The following LAMP1 variants were observed in gnomAD, a reference collection of about 807,000 sequenced individuals.
LAMP1 encodes lysosome-associated membrane glycoprotein 1.
LAMP1 carries 7 observed loss-of-function variants against 37.5 expected under a neutral mutation model. The ratio of observed to expected loss-of-function variants is 0.19; its 90% CI spans 0.11 to 0.35. The LOEUF is 0.35. LAMP1 is among the 10% of genes least tolerant of loss of function. The pLI is 1.00. For missense variants in LAMP1, 537 were observed against 552.8 expected, an observed-to-expected ratio of 0.97 and a Z score of 0.29; for synonymous variants, 236 against 229.1, an observed-to-expected ratio of 1.03 and a Z score of -0.27.
Position 113,317,183 on chromosome 13 carries a change from G to A in LAMP1, c.563-2286G>A, listed in dbSNP as rs76798916. Among the ~76,000 whole-genome samples the A allele has an allele frequency of 8.6e-3, 1,308 of 152,280 alleles. 10 individuals are homozygous for A. Among genetic ancestry groups the A allele is most frequent in the Non-Finnish European group, 0.014 (978 of 68,030 alleles). On this transcript the variant is annotated intron_variant, in intron 4 of 8. Coordinates refer to ENST00000332556, the MANE Select transcript of LAMP1 (RefSeq NM_005561.4). The stretch of plus-strand genomic sequence containing the variant: ...CCGGCTGTGTGCTGCTCTCCGGAGG[G>A]TGCTGGAGGAGGTGTGACAGTGGAC...
intron 2 of LAMP1, 40 bp from the exon 3 acceptor site, chr13:113,309,603 T>C (rs2042618166): frequency 6.8e-7 from 1 of 1,468,664 alleles, no homozygotes; most frequent in South Asian, 1.2e-5. Flanking sequence ...TTTAATAACC[T>C]GCATCCCAAT....
chr13:113,306,740 T>G, intron 2 of LAMP1, 134 bp downstream of exon 2: 1 of 989,934 alleles, frequency 1.0e-6, no homozygotes, highest in Non-Finnish European at 1.5e-6. Context: ...CCTTCTGGTG[T>G]TGTCAGTAAC....
chr13:113,300,656 T>C (rs2042566303), intron 1 of LAMP1, among the ~76,000 whole-genome samples: 2 of 151,362 alleles, frequency 1.3e-5, no homozygotes, highest in South Asian at 4.2e-4. Flanking sequence ...TTTTTAAAAA[T>C]ATTTTTAAAA....
At chr13:113,308,449 C>G (rs933341445) in intron 2 of LAMP1, among the ~76,000 whole-genome samples, 2 of 146,848 alleles carry the variant, frequency 1.4e-5, no homozygotes, top group Admixed American at 1.4e-4. Context: ...TCTTCTGCCT[C>G]AGCCTCCCAA....
At chr13:113,315,099 G>A (rs1033622857) in intron 4 of LAMP1, among the ~76,000 whole-genome samples, 10 of 145,496 alleles carry the variant, frequency 6.9e-5, no homozygotes, top group African/African-American at 2.3e-4. Flanking sequence ...GGGAACCAGT[G>A]TGGAGATGTC....
chr13:113,308,904 G>A (rs1325615992), intron 2 of LAMP1, among the ~76,000 whole-genome samples: 1 of 152,058 alleles, frequency 6.6e-6, no homozygotes, highest in Non-Finnish European at 1.5e-5. Context: ...TTTGCTTATA[G>A]TAGTAAATTT....
chr13:113,308,478 A>G (rs1182866321), intron 2 of LAMP1, among the ~76,000 whole-genome samples: 2 of 151,198 alleles, frequency 1.3e-5, no homozygotes, highest in African/African-American at 2.4e-5. Flanking sequence ...GATTACAGGC[A>G]TGCGCCCAGC....
rs1365514357 is a variant in LAMP1, at chr13:113,320,259, G to T, written c.751-86G>T. ...TTTTGGTTAAAACAAATGTGGCCTTGAATTCACGGTTTCAGGACTGTTTGT... is the reference window on the plus strand; with the variant it reads ...TTTTGGTTAAAACAAATGTGGCCTTTAATTCACGGTTTCAGGACTGTTTGT... On this transcript the variant is annotated intron_variant, in intron 5 of 8. Coordinates refer to ENST00000332556, the MANE Select transcript of LAMP1 (RefSeq NM_005561.4). The surrounding 1 kb of genome is among the most constrained non-coding windows in gnomAD (Gnocchi z 4.4). The T allele has an allele frequency of 5.6e-5, 85 of 1,521,444 alleles. No homozygotes were observed. The highest frequency in any genetic ancestry group is 7.6e-5 in the Non-Finnish European group (84 of 1,103,320). The allele number at this position is 1,521,444 out of a possible 1,614,324, so 94.2% of individuals were successfully genotyped here. A position where few individuals can be genotyped will look rare whatever the true frequency, so the allele number is the denominator to read the frequency against.
intron 1 of LAMP1, among the ~76,000 whole-genome samples, chr13:113,301,627 TAAAAAA>T (rs1161593860): frequency 0.018 from 171 of 9,272 alleles, no homozygotes; most frequent in East Asian, 0.03. Context: ...TGTTTCCATT[TAAAAAA>T]AAAAAAAAAA....
chr13:113,316,846 G>A (rs1439776515), intron 4 of LAMP1, among the ~76,000 whole-genome samples: 1 of 151,424 alleles, frequency 6.6e-6, no homozygotes, highest in African/African-American at 2.4e-5. Context: ...CTCTAGCCTG[G>A]GTGGCAGAGC....
rs975619683 is a variant in LAMP1 at position 113,319,559 on chromosome 13, C to T, written c.653C>T (p.Ser218Phe). 7 of 1,614,042 alleles carry T rather than the reference C, an allele frequency of 4.3e-6. No individual in the cohort carries two copies. Among genetic ancestry groups the T allele is most frequent in the African/African-American group, 2.7e-5 (2 of 75,072 alleles). The change falls in exon 5 of 9, where the codon TCT becomes TTT. Residue 218 changes from serine (S) to phenylalanine (F), a missense_variant. Physicochemically the swap from Ser to Phe is radical, Grantham distance 155. Transcript: ENST00000332556. ...PSPSPVPKSP[S>F]VDKYNVSGTN... is the part of the protein sequence containing the mutation. ...CCCTCACCCGTGCCCAAGAGCCCCT[C>T]TGTGGACAAGTACAACGTGAGCGGC...
At chr13:113,315,198 G>A (rs1291706903) in intron 4 of LAMP1, among the ~76,000 whole-genome samples, 1 of 148,886 alleles carries the variant, frequency 6.7e-6, no homozygotes, top group Admixed American at 6.7e-5. Flanking sequence ...AGTCAGTGTG[G>A]AGATGCCCGT....
chr13:113,301,987 C>T (rs559728273), intron 1 of LAMP1, among the ~76,000 whole-genome samples: 3 of 151,022 alleles, frequency 2.0e-5, no homozygotes, highest in East Asian at 4.0e-4. Context: ...CTCAGCCTCC[C>T]GAGTACCAGG....
rs1400705799 is a variant in LAMP1, at chr13:113,321,355, ATCTT to A, written c.877-45_877-42del. 3 of 1,461,668 alleles carry A rather than the reference ATCTT, an allele frequency of 2.1e-6. No homozygotes were observed. The highest frequency in any genetic ancestry group is 2.3e-5 in the South Asian group (2 of 87,944). The allele number at this position is 1,461,668 out of a possible 1,614,324, so 90.5% of individuals were successfully genotyped here. On this transcript the variant is annotated intron_variant, in intron 6 of 8. Coordinates refer to ENST00000332556, the MANE Select transcript of LAMP1 (RefSeq NM_005561.4). This position sits in a 1 kb window ranked among gnomAD's most constrained non-coding sequence, Gnocchi z 5.6. Reference sequence around the variant, plus strand: ...TGTGAATCTACTGGGGTTAAAGATCATCTTTCTATGAATCTGCTCCGTGATTAAA... The same window carrying A: ...TGTGAATCTACTGGGGTTAAAGATCATCTATGAATCTGCTCCGTGATTAAA...
intron 1 of LAMP1, among the ~76,000 whole-genome samples, chr13:113,301,858 CT>C (rs539321614): frequency 1.3e-4 from 10 of 74,312 alleles, no homozygotes; most frequent in South Asian, 5.1e-4. Context: ...GATGTGATTT[CT>C]TTTTTTTTTT....
intron 1 of LAMP1, among the ~76,000 whole-genome samples, chr13:113,299,652 T>TC (rs781392374): frequency 8.0e-5 from 12 of 149,720 alleles, no homozygotes; most frequent in Admixed American, 1.4e-4. Flanking sequence ...CACTGCAGCC[T>TC]CCGCCTCTTG....
intron 4 of LAMP1, among the ~76,000 whole-genome samples, chr13:113,313,592 G>A (rs903254714): frequency 2.0e-5 from 3 of 150,826 alleles, no homozygotes; most frequent in Admixed American, 6.6e-5. Flanking sequence ...CTGGGGCGTG[G>A]CCTCCTGGAG....
Position 113,321,992 on chromosome 13 carries a change from G to A in LAMP1, c.1114+265G>A, listed in dbSNP as rs1022534310. The A allele has an allele frequency of 3.2e-5, 19 of 586,792 alleles. 1 individual carries two copies. The highest frequency in any genetic ancestry group is 1.1e-4 in the South Asian group (5 of 47,460). 36.3% of individuals were successfully genotyped at this position (586,792 alleles called of 1,614,324 possible). On this transcript the variant is annotated intron_variant, in intron 8 of 8. Coordinates refer to ENST00000332556, the MANE Select transcript of LAMP1 (RefSeq NM_005561.4). The surrounding 1 kb of genome is among the most constrained non-coding windows in gnomAD (Gnocchi z 5.6). ...CAGTGGTGGCGCTTCTCCCATGAAC[G>A]TTGAATACAACACTGTCATCTGATG...
Position 113,321,593 on chromosome 13 carries a change from C to T in LAMP1, c.980C>T (p.Ala327Val), listed in dbSNP as rs374678550. The change falls in exon 8 of 9, where the codon GCG becomes GTG. Residue 327 changes from alanine to valine, a missense_variant. By Grantham distance (64) the Ala-to-Val change is moderately conservative. Transcript: ENST00000332556. The surrounding 1 kb of genome is among the most constrained non-coding windows in gnomAD (Gnocchi z 5.6). ...AAAGCTGCCAACGGCTCCCTGCGAG[C>T]GCTGCAGGCCACAGTCGGCAATTCC... ...AFKAANGSLR[A>V]LQATVGNSYK... is the part of the protein sequence containing the mutation. 34 of 1,614,054 alleles carry T rather than the reference C, an allele frequency of 2.1e-5. No individual in the cohort carries two copies. The highest frequency in any genetic ancestry group is 1.2e-4 in the African/African-American group (9 of 74,926).
Sources: gnomAD v4.1 joint callset for allele counts (sites outside exome capture counted in the v4.1 genomes callset) on GRCh38, gnomAD v4.1.1 for gene constraint, Gnocchi (gnomAD v3.1) non-coding constraint, MANE v1.5 for transcripts, NCBI Gene and HGNC (gene_info 2026-07-23, HGNC 2026-07-21) for gene names.